Variants in QTMAN observed in about 807,000 individuals in gnomAD.
QTMAN encodes the protein queuosine-tRNA mannosyltransferase.
At chr2:144,178,176 A>G in the QTMAN span, 1 of 152,204 alleles carries the variant, frequency 6.6e-6, no homozygotes, top group Non-Finnish European at 1.5e-5. Flanking sequence ...TTCCTATATT[A>G]GAAGCCTAGG....
the QTMAN span, among the ~76,000 whole-genome samples, chr2:144,200,755 T>C: frequency 6.6e-6 from 1 of 152,226 alleles, no homozygotes; most frequent in South Asian, 2.1e-4. Context: ...CATAGTCTGA[T>C]TAATATAACC....
the QTMAN span, among the ~76,000 whole-genome samples, chr2:144,049,671 T>C: frequency 6.6e-6 from 1 of 152,144 alleles, no homozygotes; most frequent in Non-Finnish European, 1.5e-5. Flanking sequence ...ATAGACATAG[T>C]CTATACAAAC....
chr2:143,977,392 C>T, the QTMAN span, among the ~76,000 whole-genome samples: 14 of 152,124 alleles, frequency 9.2e-5, no homozygotes, highest in South Asian at 2.1e-4. Flanking sequence ...AGGCAAGAAA[C>T]GCAAGAGACT....
the QTMAN span, chr2:144,007,332 T>C: frequency 1.2e-6 from 2 of 1,613,358 alleles, no homozygotes; most frequent in Non-Finnish European, 1.7e-6. Flanking sequence ...GTCTGATTCC[T>C]GTCTTAATGA....
At chr2:144,032,596 C>A in the QTMAN span, among the ~76,000 whole-genome samples, 1 of 152,168 alleles carries the variant, frequency 6.6e-6, no homozygotes, top group Non-Finnish European at 1.5e-5. Flanking sequence ...GGAAAATGCA[C>A]TCTGGACTAC....
the QTMAN span, among the ~76,000 whole-genome samples, chr2:144,245,976 T>C: frequency 9.2e-5 from 14 of 152,310 alleles, no homozygotes; most frequent in African/African-American, 3.1e-4. Context: ...CTTCCTGGTA[T>C]CCATTCTGCA....
chr2:144,174,258 G>A, the QTMAN span, among the ~76,000 whole-genome samples: 31 of 151,856 alleles, frequency 2.0e-4, no homozygotes, highest in Admixed American at 1.2e-3. Flanking sequence ...CTCCATCTCC[G>A]CAAATCAAGA....
chr2:144,047,871 A>G, the QTMAN span, among the ~76,000 whole-genome samples: 1 of 152,240 alleles, frequency 6.6e-6, no homozygotes, highest in African/African-American at 2.4e-5. Context: ...ATTATCAACC[A>G]CACAACAATG....
At chr2:144,101,385 ATCTC>A in the QTMAN span, among the ~76,000 whole-genome samples, 4 of 140,714 alleles carry the variant, frequency 2.8e-5, no homozygotes, top group Admixed American at 7.0e-5. Context: ...AATCATGTCT[ATCTC>A]TCTCTCACAC....
At chr2:144,250,471 A>G in the QTMAN span, among the ~76,000 whole-genome samples, 1 of 152,124 alleles carries the variant, frequency 6.6e-6, no homozygotes, top group South Asian at 2.1e-4. Flanking sequence ...GGGTAGTTTA[A>G]GTAATTTAGA....
the QTMAN span, among the ~76,000 whole-genome samples, chr2:144,016,956 T>C: frequency 6.6e-6 from 1 of 151,972 alleles, no homozygotes; most frequent in Non-Finnish European, 1.5e-5. Flanking sequence ...ACGAGAAAAT[T>C]TGGGGAATAA....
chr2:143,988,634 A>G, the QTMAN span, among the ~76,000 whole-genome samples: 6 of 152,254 alleles, frequency 3.9e-5, no homozygotes, highest in Admixed American at 2.6e-4. Context: ...AGAAGAAACT[A>G]AAGCTTAGTG....
At chr2:144,254,287 T>C in the QTMAN span, among the ~76,000 whole-genome samples, 102 of 152,092 alleles carry the variant, frequency 6.7e-4, no homozygotes, top group African/African-American at 2.3e-3. Context: ...TTGGGTGTGG[T>C]TGTGGGCGCC....
the QTMAN span, among the ~76,000 whole-genome samples, chr2:144,031,175 G>T: frequency 6.6e-6 from 1 of 151,062 alleles, no homozygotes; most frequent in East Asian, 2.0e-4. Context: ...ATCTGGGATG[G>T]GGCCTGACAA....
At chr2:143,952,101 T>C in the QTMAN span, 2 of 1,367,974 alleles carry the variant, frequency 1.5e-6, no homozygotes, top group East Asian at 2.3e-5. Flanking sequence ...ACATTTTTAA[T>C]GAAACAAAAA....
the QTMAN span, among the ~76,000 whole-genome samples, chr2:144,123,608 T>G: frequency 6.6e-6 from 1 of 152,206 alleles, no homozygotes; most frequent in East Asian, 1.9e-4. Flanking sequence ...CAAGGCTGTT[T>G]TAAGTCGGAC....
the QTMAN span, among the ~76,000 whole-genome samples, chr2:144,262,122 A>G: frequency 1.3e-5 from 2 of 152,192 alleles, no homozygotes; most frequent in African/African-American, 4.8e-5. Flanking sequence ...TATATACATA[A>G]AAGGTCAAAA....
At chr2:144,154,913 T>C in the QTMAN span, among the ~76,000 whole-genome samples, 1 of 152,178 alleles carries the variant, frequency 6.6e-6, no homozygotes, top group African/African-American at 2.4e-5. Context: ...TTCAAATAAG[T>C]GAATGAATAA....
the QTMAN span, among the ~76,000 whole-genome samples, chr2:144,283,575 C>T: frequency 4.6e-5 from 7 of 151,844 alleles, no homozygotes; most frequent in Middle Eastern, 3.4e-3. Flanking sequence ...TTTATATAAC[C>T]TGAATAAGGC....
Sources: allele counts gnomAD v4.1 joint callset (sites outside exome capture counted in the v4.1 genomes callset), GRCh38; gene constraint gnomAD v4.1.1; transcripts MANE v1.5; gene names NCBI Gene and HGNC (gene_info 2026-07-23, HGNC 2026-07-21).